The following ATP11B variants were observed in gnomAD, a reference collection of about 807,000 sequenced individuals.
ATP11B encodes phospholipid-transporting ATPase IF.
ATP11B carries 81 observed loss-of-function variants against 157.8 expected under a neutral mutation model. That is an observed-to-expected ratio of 0.51 (90% CI 0.43 to 0.62). The LOEUF (loss-of-function observed/expected upper bound fraction) is 0.62. Ranked by LOEUF, ATP11B falls within the 20% of genes least tolerant of loss-of-function variation. The pLI, the probability that ATP11B is intolerant of heterozygous loss-of-function variation, is 0.00. For missense variants in ATP11B, 1,165 were observed against 1,402.2 expected (o/e 0.83, Z 2.70); for synonymous variants, 451 against 469.4 (o/e 0.96, Z 0.51).
At chr3:182,834,649 A>T (rs2108509365) in intron 4 of ATP11B, among the ~76,000 whole-genome samples, 1 of 152,302 alleles carries the variant, frequency 6.6e-6, no homozygotes, top group Non-Finnish European at 1.5e-5. Flanking sequence ...ATGGCATAGG[A>T]AGTCTTTTCC....
chr3:182,847,013 G>A (rs969222728), intron 9 of ATP11B, among the ~76,000 whole-genome samples: 2 of 151,306 alleles, frequency 1.3e-5, no homozygotes, highest in African/African-American at 4.9e-5. Flanking sequence ...AACCTTGAGG[G>A]CTTTTAGATC....
chr3:182,899,718 T>C (rs2108581422), intron 28 of ATP11B, among the ~76,000 whole-genome samples: 1 of 152,272 alleles, frequency 6.6e-6, no homozygotes, highest in East Asian at 1.9e-4. Flanking sequence ...AGTAAAATTA[T>C]GATAGAAATA....
At chr3:182,905,522 A>C (rs1408542325) in intron 28 of ATP11B, among the ~76,000 whole-genome samples, 1 of 152,204 alleles carries the variant, frequency 6.6e-6, no homozygotes, top group Non-Finnish European at 1.5e-5. Flanking sequence ...AAGAAACTGA[A>C]TTTTATTGAA....
chr3:182,842,175 G>A, intron 8 of ATP11B, 53 bp downstream of exon 8: 2 of 1,299,946 alleles, frequency 1.5e-6, no homozygotes, highest in Non-Finnish European at 1.1e-6. Flanking sequence ...CTGTTTGGGG[G>A]AGGGACTAGA....
intron 28 of ATP11B, among the ~76,000 whole-genome samples, chr3:182,908,196 CTTTTTTTTTTTTTT>C (rs10716562): frequency 4.2e-5 from 3 of 70,744 alleles, no homozygotes; most frequent in African/African-American, 1.7e-4. Context: ...TTATTATTTT[CTTTTTTTTTTTTTT>C]TTTTTTTTTT....
At chr3:182,913,038 G>T (rs952817848) in intron 28 of ATP11B, among the ~76,000 whole-genome samples, 1 of 152,122 alleles carries the variant, frequency 6.6e-6, no homozygotes, top group East Asian at 1.9e-4. Context: ...ATTGTTAGTC[G>T]TGTGGAATAA....
chr3:182,813,065 G>A (rs1716765482), intron 1 of ATP11B, among the ~76,000 whole-genome samples: 1 of 152,118 alleles, frequency 6.6e-6, no homozygotes, highest in African/African-American at 2.4e-5. Context: ...TTTTAATGCT[G>A]TATAATATTT....
At position 182,853,320 on chromosome 3, in the gene ATP11B, G is replaced by T. The variant is rs894132102; in HGVS notation, c.852-4558G>T. Reference sequence around the variant, plus strand: ...CCTCCCGGGTTCAAGCGATTCTTTTGCCTCAGCCTCCCGAGTGGCTGGGAC... The same window carrying T: ...CCTCCCGGGTTCAAGCGATTCTTTTTCCTCAGCCTCCCGAGTGGCTGGGAC... On this transcript the variant is annotated intron_variant, in intron 10 of 29. Transcript: ENST00000323116. Among the ~76,000 whole-genome samples the T allele has an allele frequency of 2.6e-5, 4 of 152,042 alleles. No homozygotes were observed. In the East Asian group the frequency reaches 7.7e-4, roughly 29 times the overall value.
chr3:182,805,868 T>C (rs1716297478), intron 1 of ATP11B, among the ~76,000 whole-genome samples: 2 of 152,068 alleles, frequency 1.3e-5, no homozygotes, highest in Admixed American at 1.3e-4. Flanking sequence ...GATTTGCAAA[T>C]ATTTTCTCCC....
At chr3:182,917,125 A>G (rs1316147694) in intron 29 of ATP11B, 2 of 985,210 alleles carry the variant, frequency 2.0e-6, no homozygotes, top group Non-Finnish European at 2.4e-6. Context: ...AAAATATTTG[A>G]CAAAGGTGAA....
At position 182,858,013 on chromosome 3, in the gene ATP11B, A is replaced by G. The variant is rs1276052754; in HGVS notation, c.987A>G (p.Gln329=). The stretch of plus-strand genomic sequence containing the variant: ...GGTATAACCAAAAAACAGAACATCA[A>G]AGAAATAGCAGTAAGGTATTTTATG... The part of the protein sequence containing the change: ...EPWYNQKTEH[Q]RNSSKILRFI... The change falls in exon 11 of 30, where the codon CAA becomes CAG. Residue 329 remains glutamine, a synonymous_variant. Coordinates refer to ENST00000323116, the MANE Select transcript of ATP11B (RefSeq NM_014616.3). 4 of 1,611,474 alleles carry G rather than the reference A, an allele frequency of 2.5e-6. No individual in the cohort carries two copies. Among genetic ancestry groups the G allele is most frequent in the Admixed American group, 1.7e-5 (1 of 59,954 alleles).
At chr3:182,831,055 A>T (rs1718097331) in intron 4 of ATP11B, among the ~76,000 whole-genome samples, 1 of 152,142 alleles carries the variant, frequency 6.6e-6, no homozygotes, top group East Asian at 1.9e-4. Flanking sequence ...CTCTATGATG[A>T]TGGTTCCCAA....
At chr3:182,826,788 C>G (rs899570259) in intron 2 of ATP11B, among the ~76,000 whole-genome samples, 19 of 152,138 alleles carry the variant, frequency 1.2e-4, no homozygotes, top group African/African-American at 4.6e-4. Flanking sequence ...GGGAACCTAA[C>G]TCTGTTTATA....
chr3:182,806,349 T>G (rs768670636), intron 1 of ATP11B, among the ~76,000 whole-genome samples: 88 of 152,220 alleles, frequency 5.8e-4, no homozygotes, highest in Non-Finnish European at 7.8e-4. Context: ...TTTTTCATAT[T>G]GTTTTTCCTG....
Position 182,793,744 on chromosome 3 carries a change from C to G in ATP11B, c.-16C>G. ...GCCCCCGCGCCCCGCGGGACCCGGA[C>G]GGCGACGACGGGGGAATGTGGCGCT... is the stretch of plus-strand genomic sequence containing the variant. On this transcript the variant is annotated 5_prime_UTR_variant, in exon 1 of 30. Transcript: ENST00000323116. The G allele has an allele frequency of 1.4e-6, 2 of 1,408,380 alleles. No homozygotes were observed. The highest frequency in any genetic ancestry group is 2.3e-4 in the Middle Eastern group (1 of 4,314). The allele number at this position is 1,408,380 out of a possible 1,614,324, so 87.2% of individuals were successfully genotyped here. A position where few individuals can be genotyped will look rare whatever the true frequency, so the allele number is the denominator to read the frequency against.
intron 17 of ATP11B, 25 bp downstream of exon 17, chr3:182,869,356 A>G: frequency 7.4e-7 from 1 of 1,344,416 alleles, no homozygotes; most frequent in African/African-American, 1.5e-5. Flanking sequence ...CTATGATTTA[A>G]AAAACTCTAA....
intron 4 of ATP11B, among the ~76,000 whole-genome samples, chr3:182,832,994 C>G (rs564262358): frequency 3.3e-5 from 5 of 151,850 alleles, no homozygotes; most frequent in African/African-American, 1.2e-4. Flanking sequence ...GGTCATATTT[C>G]AAATCAGTAG....
At chr3:182,826,125 A>C (rs916088065) in intron 2 of ATP11B, among the ~76,000 whole-genome samples, 3 of 152,222 alleles carry the variant, frequency 2.0e-5, no homozygotes, top group African/African-American at 7.2e-5. Flanking sequence ...ATGCTACTAG[A>C]GTTCTCCCTC....
At chr3:182,843,184 A>G (rs1383736000) in intron 8 of ATP11B, among the ~76,000 whole-genome samples, 1 of 152,200 alleles carries the variant, frequency 6.6e-6, no homozygotes, top group Non-Finnish European at 1.5e-5. Context: ...TAATACCCAA[A>G]CTTTTCCAGG....
Sources: gnomAD v4.1 joint callset for allele counts (sites outside exome capture counted in the v4.1 genomes callset) on GRCh38, gnomAD v4.1.1 for gene constraint, MANE v1.5 for transcripts, NCBI Gene and HGNC (gene_info 2026-07-23, HGNC 2026-07-21) for gene names.